CLPTM1L: variants seen among roughly 807,000 people sequenced by gnomAD.
CLPTM1L encodes CLPTM1 like, also known as lipid scramblase CLPTM1L.
Under a neutral mutation model 70.9 loss-of-function variants are expected in CLPTM1L, and 38 were observed. The observed-to-expected ratio is 0.54, with a 90% CI of 0.41 to 0.70. The LOEUF is 0.70. Among genes scored for constraint, CLPTM1L ranks in the 30% least tolerant of loss-of-function variants. The pLI, the probability that CLPTM1L is intolerant of heterozygous loss-of-function variation, is 0.00. For synonymous variants in CLPTM1L, 339 were observed against 299.9 expected (o/e 1.13, Z -1.35); for missense variants, 652 against 705.9 (o/e 0.92, Z 0.87).
In CLPTM1L at chr5:1,319,213, C is replaced by T. The variant is rs139720941; in HGVS notation, c.1533-760G>A. 3.3e-5 allele frequency among the ~76,000 whole-genome samples: 5 copies of T among 152,242 alleles called. No homozygotes were observed. In the South Asian group the frequency reaches 8.3e-4, roughly 25 times the overall value. On this transcript the variant is annotated intron_variant, in intron 16 of 16. Coordinates refer to ENST00000320895, the MANE Select transcript of CLPTM1L (RefSeq NM_030782.5). ...AACCTCAGGCTCTGCAGGGGGCAGG[C>T]GGCCAGCTGGGGGATCTGAGAATGG... is the stretch of plus-strand genomic sequence containing the variant.
intron 11 of CLPTM1L, chr5:1,324,106 A>G: frequency 1.8e-6 from 1 of 553,196 alleles, no homozygotes; most frequent in African/African-American, 1.9e-5. Flanking sequence ...CTAGTTAACA[A>G]TAATAGATCA....
intron 3 of CLPTM1L, 78 bp downstream of exon 3, chr5:1,341,593 C>T: frequency 7.7e-7 from 1 of 1,306,450 alleles, no homozygotes; most frequent in Non-Finnish European, 1.1e-6. Flanking sequence ...CTAGACATCG[C>T]CCACCTGTGT....
At chr5:1,330,208 G>A (rs1752992365) in intron 9 of CLPTM1L, 72 bp downstream of exon 9, 2 of 1,267,366 alleles carry the variant, frequency 1.6e-6, no homozygotes, top group Non-Finnish European at 2.3e-6. Flanking sequence ...CAGGTCCCGG[G>A]GCTGAAAGCC....
rs558549318 is a variant in CLPTM1L at position 1,338,723 on chromosome 5, A to G, written c.599+137T>C. 1.6e-5 allele frequency: 15 copies of G among 939,284 alleles called. No individual in the cohort carries two copies. In the African/African-American group the frequency reaches 2.3e-4, roughly 14 times the overall value. 58.2% of individuals were successfully genotyped at this position (939,284 alleles called of 1,614,324 possible). On this transcript the variant is annotated intron_variant, in intron 4 of 16. Coordinates refer to ENST00000320895, the MANE Select transcript of CLPTM1L (RefSeq NM_030782.5). ...CACAACCTCAATGAGGAAGTGGGAA[A>G]GAGCTGGGAGGCCCGGGCAGCAAGT... is the stretch of plus-strand genomic sequence containing the variant.
chr5:1,336,358 C>T (rs1372450895), intron 5 of CLPTM1L, among the ~76,000 whole-genome samples: 2 of 152,274 alleles, frequency 1.3e-5, no homozygotes, highest in Non-Finnish European at 2.9e-5. Flanking sequence ...GGAAAAGCTG[C>T]TGTCGGCACA....
Position 1,322,400 on chromosome 5 carries a change from C to T in CLPTM1L, c.1315+477G>A, listed in dbSNP as rs536101176. The stretch of plus-strand genomic sequence containing the variant: ...CGAGCACAGGGCCCTGCAGGGTCCC[C>T]ACACTGCATCTGCAGGAGGGGGCGC... On this transcript the variant is annotated intron_variant, in intron 13 of 16. Coordinates refer to ENST00000320895, the MANE Select transcript of CLPTM1L (RefSeq NM_030782.5). Among the ~76,000 whole-genome samples the T allele has an allele frequency of 1.2e-3, 185 of 152,342 alleles. 3 individuals are homozygous for T. The South Asian group carries it at 0.035, about 29-fold the overall frequency.
intron 11 of CLPTM1L, chr5:1,324,081 G>A (rs760709145): frequency 1.7e-6 from 1 of 572,208 alleles, no homozygotes; most frequent in Non-Finnish European, 3.1e-6. Context: ...CAGAGCCCGG[G>A]TGTAACTACA....
intron 4 of CLPTM1L, among the ~76,000 whole-genome samples, chr5:1,338,501 G>A (rs1753727719): frequency 6.6e-6 from 1 of 152,208 alleles, no homozygotes; most frequent in Admixed American, 6.5e-5. Flanking sequence ...GATGGCAAGT[G>A]ATACTAAATA....
At position 1,335,876 on chromosome 5, in the gene CLPTM1L, C is replaced by T. The variant is rs1020613127; in HGVS notation, c.679-702G>A. Among the ~76,000 whole-genome samples the T allele has an allele frequency of 2.6e-5, 4 of 152,340 alleles. No individual in the cohort carries two copies. The South Asian group carries it at 6.2e-4, about 24-fold the overall frequency. On this transcript the variant is annotated intron_variant, in intron 5 of 16. Transcript: ENST00000320895. ...GTGGGCAGTGACCACACCCGGTGAG[C>T]ACCACCCTCCACGTTCTGGAACATC... is the stretch of plus-strand genomic sequence containing the variant.
chr5:1,321,374 A>G (rs1752143817), intron 15 of CLPTM1L, among the ~76,000 whole-genome samples: 1 of 152,208 alleles, frequency 6.6e-6, no homozygotes, highest in Non-Finnish European at 1.5e-5. Context: ...ATGTGCTAAG[A>G]AGAAACATAA....
chr5:1,325,509 G>A (rs1196860262), intron 10 of CLPTM1L: 8 of 533,552 alleles, frequency 1.5e-5, no homozygotes, highest in African/African-American at 3.8e-5. Flanking sequence ...CCCAGAGGCC[G>A]GCTCAGGCCC....
chr5:1,325,839 A>G (rs1579625152), intron 9 of CLPTM1L, 23 bp from the exon 10 acceptor site: 1 of 1,609,268 alleles, frequency 6.2e-7, no homozygotes, highest in Non-Finnish European at 8.5e-7. Flanking sequence ...ATCAGGAAAT[A>G]GTTCCTTTAA....
At chr5:1,320,467 A>T in intron 16 of CLPTM1L, 149 bp downstream of exon 16, 1 of 495,244 alleles carries the variant, frequency 2.0e-6, no homozygotes, top group Non-Finnish European at 3.6e-6. Context: ...ACCCAAGTTT[A>T]GGCAAGACAG....
chr5:1,320,865 A>G (rs1335832579), intron 15 of CLPTM1L, 134 bp from the exon 16 acceptor site: 1 of 556,530 alleles, frequency 1.8e-6, no homozygotes, highest in South Asian at 2.4e-5. Context: ...GCAACAACAA[A>G]AAGAGCAGAA....
intron 9 of CLPTM1L, among the ~76,000 whole-genome samples, chr5:1,329,556 G>A (rs414820): frequency 3.2e-4 from 36 of 113,136 alleles, no homozygotes; most frequent in East Asian, 9.0e-4. Context: ...TGGTGGACAG[G>A]GCCTCAGGAC....
rs1387456446 is a variant in CLPTM1L at position 1,324,812 on chromosome 5, A to G, written c.1148T>C (p.Phe383Ser). 1 of 1,613,790 alleles carries G rather than the reference A, an allele frequency of 6.2e-7. No homozygotes were observed. Among genetic ancestry groups the G allele is most frequent in the Non-Finnish European group, 8.5e-7 (1 of 1,179,696 alleles). Residue 383 changes from phenylalanine to serine, a missense_variant and splice_region_variant, in exon 11 of 17, where the codon TTT becomes TCT. By Grantham distance (155) the Phe-to-Ser change is radical. Coordinates refer to ENST00000320895, the MANE Select transcript of CLPTM1L (RefSeq NM_030782.5). ...CCTCTCAGATTCGCTGTAAGTGCCAAACTGTTGTGAAATTCAACACAGTGA... is the reference window on the plus strand; with the variant it reads ...CCTCTCAGATTCGCTGTAAGTGCCAGACTGTTGTGAAATTCAACACAGTGA... ...FWRGLMPEFQ[F>S]GTYSESERKT...
intron 6 of CLPTM1L, 110 bp downstream of exon 6, chr5:1,334,947 G>T: frequency 1.4e-6 from 1 of 718,892 alleles, no homozygotes. Flanking sequence ...TCTGTGCAAG[G>T]ATCTGCAGCA....
chr5:1,334,275 G>T lies in CLPTM1L; in HGVS notation c.891+14C>A. The stretch of plus-strand genomic sequence containing the variant: ...CCCAAGTGCCTGCGGCAAGCCCCCC[G>T]GTGGATGACTCACATGGAACGCTGC... On this transcript the variant is annotated intron_variant, in intron 7 of 16. Coordinates refer to ENST00000320895, the MANE Select transcript of CLPTM1L (RefSeq NM_030782.5). The T allele has an allele frequency of 1.9e-6, 3 of 1,606,742 alleles. No individual in the cohort carries two copies. The highest frequency in any genetic ancestry group is 2.6e-6 in the Non-Finnish European group (3 of 1,173,748).
At chr5:1,332,767 C>T (rs543683537) in intron 7 of CLPTM1L, among the ~76,000 whole-genome samples, 1 of 152,250 alleles carries the variant, frequency 6.6e-6, no homozygotes, top group Non-Finnish European at 1.5e-5. Flanking sequence ...TGTGGGTAAT[C>T]TCTTACTGTG....
Sources: gnomAD v4.1 joint callset for allele counts (sites outside exome capture counted in the v4.1 genomes callset) on GRCh38, gnomAD v4.1.1 for gene constraint, MANE v1.5 for transcripts, NCBI Gene and HGNC (gene_info 2026-07-23, HGNC 2026-07-21) for gene names.